Variants in GPC6 observed in about 807,000 individuals in gnomAD.
GPC6 encodes the protein glypican-6.
In GPC6, 14 loss-of-function variants were observed where a neutral mutation model predicts 55.2. The observed-to-expected ratio is 0.25, with a 90% CI of 0.17 to 0.40. GPC6 has a LOEUF of 0.40. GPC6 is among the 10% of genes least tolerant of loss of function. GPC6 has a pLI of 1.00. For synonymous variants in GPC6, 278 were observed against 259.6 expected, an observed-to-expected ratio of 1.07 and a Z score of -0.68; for missense variants, 641 against 708.5, an observed-to-expected ratio of 0.90 and a Z score of 1.08.
At chr13:93,845,947 A>G (rs1386809890) in intron 3 of GPC6, among the ~76,000 whole-genome samples, 1 of 151,852 alleles carries the variant, frequency 6.6e-6, no homozygotes, top group Non-Finnish European at 1.5e-5. Flanking sequence ...ACTAACCTGC[A>G]CAATGTGCAC....
At chr13:93,636,461 T>C (rs911907984) in intron 2 of GPC6, among the ~76,000 whole-genome samples, 15 of 152,168 alleles carry the variant, frequency 9.9e-5, no homozygotes, top group African/African-American at 3.4e-4. Flanking sequence ...TGATCACATA[T>C]CCCTGCCTGT....
intron 1 of GPC6, among the ~76,000 whole-genome samples, chr13:93,315,555 T>C (rs1450750265): frequency 1.3e-5 from 2 of 152,104 alleles, no homozygotes; most frequent in East Asian, 1.9e-4. Flanking sequence ...TTTTTTTGAC[T>C]TTACAAGTAA....
chr13:93,745,033 C>A (rs955443978), intron 2 of GPC6, among the ~76,000 whole-genome samples: 3 of 152,050 alleles, frequency 2.0e-5, no homozygotes, highest in Non-Finnish European at 2.9e-5. Flanking sequence ...TTTCCAAAAG[C>A]CTTCCCAACT....
At chr13:93,746,597 C>T (rs140839556) in intron 2 of GPC6, among the ~76,000 whole-genome samples, 2 of 152,250 alleles carry the variant, frequency 1.3e-5, no homozygotes, top group South Asian at 2.1e-4. Flanking sequence ...GATTTTTGAA[C>T]TGTTTTAATC....
intron 1 of GPC6, among the ~76,000 whole-genome samples, chr13:93,475,141 C>T (rs1879255790): frequency 6.7e-6 from 1 of 149,366 alleles, no homozygotes; most frequent in Non-Finnish European, 1.5e-5. Context: ...GACCTGAATC[C>T]TTAGATAAAT....
At chr13:93,313,905 C>T (rs950169738) in intron 1 of GPC6, among the ~76,000 whole-genome samples, 8 of 152,108 alleles carry the variant, frequency 5.3e-5, no homozygotes, top group African/African-American at 9.7e-5. Context: ...CTGGCTATTT[C>T]ATAAACAATG....
chr13:93,696,320 G>A (rs928875724), intron 2 of GPC6, among the ~76,000 whole-genome samples: 10 of 150,402 alleles, frequency 6.6e-5, no homozygotes, highest in African/African-American at 1.5e-4. Flanking sequence ...TGCTTTTAAC[G>A]AAAGTTAAAA....
chr13:93,496,733 T>C (rs560160726), intron 1 of GPC6, among the ~76,000 whole-genome samples: 3 of 152,316 alleles, frequency 2.0e-5, no homozygotes, highest in South Asian at 2.1e-4. Context: ...CTCTCTGTGC[T>C]TCAGCTTCTT....
At chr13:94,065,883 T>G (rs1884500138) in intron 4 of GPC6, among the ~76,000 whole-genome samples, 1 of 152,190 alleles carries the variant, frequency 6.6e-6, no homozygotes, top group Non-Finnish European at 1.5e-5. Flanking sequence ...CTAGGCTGAG[T>G]ATCCTTCAGT....
intron 1 of GPC6, among the ~76,000 whole-genome samples, chr13:93,424,476 C>G (rs1199481671): frequency 3.3e-5 from 5 of 152,108 alleles, no homozygotes; most frequent in Non-Finnish European, 5.9e-5. Flanking sequence ...CATCCTGATG[C>G]GGGGATCTGA....
chr13:93,690,395 C>T (rs990191602), intron 2 of GPC6, among the ~76,000 whole-genome samples: 2 of 152,000 alleles, frequency 1.3e-5, no homozygotes, highest in Non-Finnish European at 2.9e-5. Flanking sequence ...AGCTCCCTGG[C>T]AGCTGAGATG....
chr13:93,567,570 G>A (rs775038102), intron 2 of GPC6, among the ~76,000 whole-genome samples: 69 of 151,700 alleles, frequency 4.5e-4, no homozygotes, highest in African/African-American at 1.6e-3. Flanking sequence ...TGATCTGCCC[G>A]CCTCGGCCTC....
intron 1 of GPC6, among the ~76,000 whole-genome samples, chr13:93,314,879 T>C (rs1879195398): frequency 6.6e-6 from 1 of 152,090 alleles, no homozygotes; most frequent in African/African-American, 2.4e-5. Context: ...GGCTGATAAG[T>C]TGTGCTTTTT....
chr13:93,298,137 A>G (rs1310216463), intron 1 of GPC6, among the ~76,000 whole-genome samples: 1 of 152,190 alleles, frequency 6.6e-6, no homozygotes, highest in Non-Finnish European at 1.5e-5. Flanking sequence ...GGATATGCAC[A>G]CTCACAGAAA....
At chr13:93,304,260 C>T (rs1015782972) in intron 1 of GPC6, among the ~76,000 whole-genome samples, 3 of 152,152 alleles carry the variant, frequency 2.0e-5, no homozygotes, top group Admixed American at 2.0e-4. Flanking sequence ...GAAACACTGC[C>T]ATCAGTGAAA....
intron 4 of GPC6, among the ~76,000 whole-genome samples, chr13:94,282,537 A>G (rs186679209): frequency 6.6e-6 from 1 of 152,342 alleles, no homozygotes; most frequent in East Asian, 1.9e-4. Flanking sequence ...CAGCCAAACC[A>G]TATCACTGTG....
intron 6 of GPC6, among the ~76,000 whole-genome samples, chr13:94,367,403 T>C (rs1360177352): frequency 6.6e-6 from 1 of 152,210 alleles, no homozygotes; most frequent in Non-Finnish European, 1.5e-5. Flanking sequence ...CTCAAGGACG[T>C]ATAGGATGCC....
chr13:93,577,134 A>G (rs1876705700), intron 2 of GPC6, among the ~76,000 whole-genome samples: 1 of 152,178 alleles, frequency 6.6e-6, no homozygotes, highest in African/African-American at 2.4e-5. Flanking sequence ...AACACTACCA[A>G]TAACTTAACT....
intron 6 of GPC6, among the ~76,000 whole-genome samples, chr13:94,308,459 C>A (rs1876069921): frequency 6.6e-6 from 1 of 152,116 alleles, no homozygotes; most frequent in Admixed American, 6.5e-5. Flanking sequence ...ACCTTTTGCA[C>A]CCCTCAAAAA....
Sources: allele counts gnomAD v4.1 joint callset (sites outside exome capture counted in the v4.1 genomes callset), GRCh38; gene constraint gnomAD v4.1.1; transcripts MANE v1.5; gene names NCBI Gene and HGNC (gene_info 2026-07-23, HGNC 2026-07-21).